Variants in IL3RA observed in about 807,000 individuals in gnomAD.
The protein encoded by IL3RA is interleukin 3 receptor subunit alpha.
A neutral mutation model predicts 52.3 loss-of-function variants in IL3RA; 73 were observed. The ratio of observed to expected loss-of-function variants is 1.40; its 90% CI spans 1.16 to 1.70. The LOEUF is 1.70. IL3RA is among the 40% of genes most tolerant of loss of function. The pLI, the probability that IL3RA is intolerant of heterozygous loss-of-function variation, is 0.00. For synonymous variants in IL3RA, 260 were observed against 194.0 expected (o/e 1.34, Z -2.83); for missense variants, 664 against 504.4 (o/e 1.32, Z -3.03).
intron 10 of IL3RA, 132 bp downstream of exon 10, chrX:1,378,896 G>A: frequency 2.3e-6 from 2 of 857,746 alleles, no homozygotes; most frequent in Non-Finnish European, 3.7e-6. Context: ...AGGCTGGAGT[G>A]CAGTGGCACG....
intron 2 of IL3RA, among the ~76,000 whole-genome samples, chrX:1,343,747 C>T (rs1489471926): frequency 6.7e-6 from 1 of 148,248 alleles, no homozygotes; most frequent in Non-Finnish European, 1.5e-5. Context: ...TCTGTGATGG[C>T]TAAGAGAGAC....
At chrX:1,361,755 G>GAAAAAAAAAAA (rs1156722120) in intron 8 of IL3RA, among the ~76,000 whole-genome samples, 1 of 81,766 alleles carries the variant, frequency 1.2e-5, no homozygotes, top group Non-Finnish European at 2.3e-5. Flanking sequence ...TCCGTCTCGA[G>GAAAAAAAAAAA]AAAAAAAAAA....
chrX:1,348,474 G>A lies in IL3RA; in HGVS notation c.227G>A (p.Cys76Tyr), dbSNP rs141873872. Residue 76 changes from cysteine (C) to tyrosine (Y), a missense_variant, in exon 4 of 12, where the codon TGT (cysteine) becomes TAT (tyrosine). Physicochemically the swap from Cys to Tyr is radical, Grantham distance 194. Transcript: ENST00000331035. ...SYCQFGAISLCEVTNYTVRVA... is the reference protein window; with the variant it reads ...SYCQFGAISLYEVTNYTVRVA... ...TGCCAGTTTGGAGCAATTTCCTTAT[G>A]TGAAGTGACCAACTACACCGTCCGA... 1.7e-5 allele frequency: 28 copies of A among 1,613,760 alleles called. No homozygotes were observed. The highest frequency in any genetic ancestry group is 3.3e-5 in the Admixed American group (2 of 59,952).
At chrX:1,339,023 T>C (rs2085395050) in intron 1 of IL3RA, among the ~76,000 whole-genome samples, 1 of 152,042 alleles carries the variant, frequency 6.6e-6, no homozygotes, top group Admixed American at 6.6e-5. Flanking sequence ...AGATTTTGTA[T>C]GTTTAGTATG....
chrX:1,359,901 ATCTC>A (rs2087062361), intron 8 of IL3RA, among the ~76,000 whole-genome samples: 1 of 68,670 alleles, frequency 1.5e-5, no homozygotes, highest in Non-Finnish European at 2.9e-5. Flanking sequence ...TTCTCCCTCC[ATCTC>A]TCTGTCTCTC....
At chrX:1,361,165 G>GTCTCTCTCTCCCTTCCCCTC (rs2087305563) in intron 8 of IL3RA, among the ~76,000 whole-genome samples, 1 of 101,086 alleles carries the variant, frequency 9.9e-6, no homozygotes, top group Non-Finnish European at 1.9e-5. Context: ...TTCCTTCTCT[G>GTCTCTCTCTCCCTTCCCCTC]TCTCTCTCTC....
intron 10 of IL3RA, among the ~76,000 whole-genome samples, chrX:1,380,711 G>C (rs1477334100): frequency 6.7e-6 from 1 of 148,802 alleles, no homozygotes; most frequent in Non-Finnish European, 1.5e-5. Context: ...AGAGGGGGAC[G>C]AGGCCCTTCC....
At chrX:1,360,719 G>C (rs1284635799) in intron 8 of IL3RA, among the ~76,000 whole-genome samples, 1 of 151,622 alleles carries the variant, frequency 6.6e-6, no homozygotes, top group African/African-American at 2.4e-5. Context: ...AGTAGAGACA[G>C]GGTTTCACTA....
At chrX:1,380,100 A>C (rs5989746) in intron 10 of IL3RA, among the ~76,000 whole-genome samples, 2 of 148,396 alleles carry the variant, frequency 1.3e-5, no homozygotes, top group African/African-American at 4.9e-5. Context: ...CTCCGTGTTG[A>C]TCAGGCTGGT....
intron 3 of IL3RA, among the ~76,000 whole-genome samples, chrX:1,345,902 G>C (rs1483748065): frequency 6.6e-6 from 1 of 152,010 alleles, no homozygotes; most frequent in Non-Finnish European, 1.5e-5. Context: ...CCGAAGTCAG[G>C]TGTGGGATTT....
chrX:1,345,225 T>G (rs2085687423), intron 2 of IL3RA, 91 bp from the exon 3 acceptor site: 1 of 741,560 alleles, frequency 1.3e-6, no homozygotes, highest in Non-Finnish European at 2.2e-6. Flanking sequence ...ATTGGCTAAC[T>G]CCACGGGCAA....
chrX:1,381,559 T>G (rs111510421), intron 11 of IL3RA, among the ~76,000 whole-genome samples: 20,442 of 149,752 alleles, frequency 0.14, 1,653 homozygotes, highest in Middle Eastern at 0.24. Context: ...TTTTTTTAGA[T>G]GGAGTTTTGC....
At chrX:1,359,916 CCT>C (rs1167258992) in intron 8 of IL3RA, among the ~76,000 whole-genome samples, 2 of 143,334 alleles carry the variant, frequency 1.4e-5, no homozygotes, top group African/African-American at 5.2e-5. Flanking sequence ...TCTGTCTCTC[CCT>C]GTGTCTATCT....
At chrX:1,356,894 G>C (rs1242185994) in intron 7 of IL3RA, among the ~76,000 whole-genome samples, 2 of 151,990 alleles carry the variant, frequency 1.3e-5, no homozygotes, top group Admixed American at 6.6e-5. Flanking sequence ...GTGATCTACA[G>C]ATTCAATGCA....
chrX:1,341,117 C>CA (rs1356231637), intron 1 of IL3RA, among the ~76,000 whole-genome samples: 4 of 150,818 alleles, frequency 2.7e-5, no homozygotes, highest in African/African-American at 9.8e-5. Context: ...AACTCTGTCA[C>CA]AAAAAATAAA....
At chrX:1,344,276 A>G (rs1409652396) in intron 2 of IL3RA, among the ~76,000 whole-genome samples, 4 of 151,762 alleles carry the variant, frequency 2.6e-5, no homozygotes, top group South Asian at 2.1e-4. Flanking sequence ...TCTAGTAAAA[A>G]TACAAAAATT....
chrX:1,351,188 C>T (rs1383209388), intron 4 of IL3RA, among the ~76,000 whole-genome samples: 3 of 152,106 alleles, frequency 2.0e-5, no homozygotes, highest in South Asian at 2.1e-4. Flanking sequence ...GCCTAGGCGA[C>T]GGAGCGAGAC....
chrX:1,381,333 G>GGCTGCAGTGAACTACGATCGAGCC (rs1480696194), intron 11 of IL3RA, among the ~76,000 whole-genome samples: 2 of 152,094 alleles, frequency 1.3e-5, no homozygotes, highest in Admixed American at 1.3e-4. Context: ...GGGAGGTGGA[G>GGCTGCAGTGAACTACGATCGAGCC]GCTGCAGTGA....
At chrX:1,360,087 C>T in intron 8 of IL3RA, among the ~76,000 whole-genome samples, 1 of 149,526 alleles carries the variant, frequency 6.7e-6, no homozygotes, top group Non-Finnish European at 1.5e-5. Context: ...CCATCTTTCT[C>T]TCTCTCTCCC....
Sources: gnomAD v4.1 joint callset for allele counts (sites outside exome capture counted in the v4.1 genomes callset) on GRCh38, gnomAD v4.1.1 for gene constraint, MANE v1.5 for transcripts, NCBI Gene and HGNC (gene_info 2026-07-23, HGNC 2026-07-21) for gene names.